Variants in REDIC1 observed in about 807,000 individuals in gnomAD.
REDIC1 encodes the protein regulator of DNA class I crossover intermediates 1.
At chr12:39,897,635 C>CGT in the REDIC1 span, among the ~76,000 whole-genome samples, 113 of 152,202 alleles carry the variant, frequency 7.4e-4, no homozygotes, top group African/African-American at 2.6e-3. Flanking sequence ...ATATGGCTAG[C>CGT]ATACTGAGAA....
At chr12:39,706,429 A>T in the REDIC1 span, among the ~76,000 whole-genome samples, 871 of 152,172 alleles carry the variant, frequency 5.7e-3, 9 homozygotes, top group African/African-American at 0.02. Context: ...TACCAATGAC[A>T]TTATTAACAG....
chr12:39,772,226 T>C, the REDIC1 span, among the ~76,000 whole-genome samples: 1 of 152,172 alleles, frequency 6.6e-6, no homozygotes, highest in South Asian at 2.1e-4. Context: ...CATGAGTTTG[T>C]ATCTCAGTTC....
chr12:39,880,389 T>C, the REDIC1 span, among the ~76,000 whole-genome samples: 1 of 152,222 alleles, frequency 6.6e-6, no homozygotes, highest in Non-Finnish European at 1.5e-5. Context: ...TTTCATGTAT[T>C]TGGTACACTG....
the REDIC1 span, among the ~76,000 whole-genome samples, chr12:39,696,525 A>G: frequency 8.4e-6 from 1 of 118,836 alleles, no homozygotes; most frequent in East Asian, 2.7e-4. Flanking sequence ...CCTGGGCGAC[A>G]GAGCGAGACT....
chr12:39,712,793 G>T, the REDIC1 span, among the ~76,000 whole-genome samples: 1 of 104,780 alleles, frequency 9.5e-6, no homozygotes, highest in South Asian at 3.0e-4. Flanking sequence ...ATACGTATAT[G>T]TATATATGTG....
the REDIC1 span, among the ~76,000 whole-genome samples, chr12:39,674,791 G>T: frequency 3.9e-5 from 6 of 152,202 alleles, no homozygotes; most frequent in African/African-American, 1.4e-4. Flanking sequence ...TCTCACAGGG[G>T]TCCTTGGGGA....
chr12:39,664,597 G>A, the REDIC1 span, among the ~76,000 whole-genome samples: 1 of 152,120 alleles, frequency 6.6e-6, no homozygotes, highest in Non-Finnish European at 1.5e-5. Context: ...ACCCAGTAAT[G>A]GGATTGCTGG....
the REDIC1 span, among the ~76,000 whole-genome samples, chr12:39,800,431 C>T: frequency 4.1e-5 from 6 of 147,302 alleles, no homozygotes; most frequent in East Asian, 2.0e-4. Flanking sequence ...AAAAAGTGGG[C>T]GAAGGACATG....
chr12:39,817,210 TAGAA>T, the REDIC1 span, among the ~76,000 whole-genome samples: 2 of 152,224 alleles, frequency 1.3e-5, no homozygotes, highest in African/African-American at 4.8e-5. Flanking sequence ...ACAAATTCAT[TAGAA>T]AGTCTCTTTT....
At chr12:39,865,143 T>C in the REDIC1 span, among the ~76,000 whole-genome samples, 20 of 152,142 alleles carry the variant, frequency 1.3e-4, no homozygotes, top group Non-Finnish European at 2.6e-4. Flanking sequence ...AAACAGTAAA[T>C]TGGTAATGAT....
the REDIC1 span, among the ~76,000 whole-genome samples, chr12:39,711,613 G>T: frequency 1.0e-5 from 1 of 97,668 alleles, no homozygotes; most frequent in African/African-American, 3.2e-5. Flanking sequence ...ACATGCATGT[G>T]TATGTGTATA....
the REDIC1 span, among the ~76,000 whole-genome samples, chr12:39,836,915 C>T: frequency 9.2e-5 from 3 of 32,442 alleles, no homozygotes; most frequent in African/African-American, 5.2e-4. Flanking sequence ...CCATACTGCC[C>T]AAGGTAATTT....
the REDIC1 span, among the ~76,000 whole-genome samples, chr12:39,763,015 T>G: frequency 6.6e-6 from 1 of 152,078 alleles, no homozygotes; most frequent in Non-Finnish European, 1.5e-5. Flanking sequence ...GTCTATGCCT[T>G]TCTATGAAAA....
At chr12:39,706,951 A>AT in the REDIC1 span, among the ~76,000 whole-genome samples, 3 of 151,986 alleles carry the variant, frequency 2.0e-5, no homozygotes, top group African/African-American at 7.2e-5. Flanking sequence ...TTGGGTAAAA[A>AT]TTTCTTGAGT....
the REDIC1 span, among the ~76,000 whole-genome samples, chr12:39,764,068 C>T: frequency 6.6e-6 from 1 of 152,104 alleles, no homozygotes; most frequent in African/African-American, 2.4e-5. Context: ...GACGCTATGC[C>T]TGTCACAGGA....
At chr12:39,627,634 A>C in the REDIC1 span, among the ~76,000 whole-genome samples, 1 of 152,104 alleles carries the variant, frequency 6.6e-6, no homozygotes, top group African/African-American at 2.4e-5. Context: ...GCATCTGGAG[A>C]TATTAGGTAC....
chr12:39,646,857 T>G, the REDIC1 span: 2 of 1,597,778 alleles, frequency 1.3e-6, no homozygotes, highest in Non-Finnish European at 1.7e-6. Context: ...TGTCAAAGAC[T>G]AAGTAGCAAG....
chr12:39,827,770 A>G, the REDIC1 span, among the ~76,000 whole-genome samples: 7 of 152,176 alleles, frequency 4.6e-5, no homozygotes, highest in African/African-American at 1.7e-4. Context: ...TTTCCAACTA[A>G]TCTCATAGTT....
chr12:39,905,935 G>A, the REDIC1 span, among the ~76,000 whole-genome samples: 1 of 151,878 alleles, frequency 6.6e-6, no homozygotes, highest in East Asian at 1.9e-4. Context: ...TTTCTGTCAG[G>A]TTACACTATA....
Sources: allele counts gnomAD v4.1 joint callset (sites outside exome capture counted in the v4.1 genomes callset), GRCh38; gene constraint gnomAD v4.1.1; transcripts MANE v1.5; gene names NCBI Gene and HGNC (gene_info 2026-07-23, HGNC 2026-07-21).